Variants in PPP2R2B observed in about 807,000 individuals in gnomAD.
The protein encoded by PPP2R2B is protein phosphatase 2 regulatory subunit Bbeta, also known as serine/threonine-protein phosphatase 2A 55 kDa regulatory subunit B beta isoform.
Under a neutral mutation model 46.0 loss-of-function variants are expected in PPP2R2B, and 5 were observed. The ratio of observed to expected loss-of-function variants is 0.11; its 90% confidence interval spans 0.06 to 0.23. The LOEUF is 0.23. PPP2R2B is among the 10% of genes least tolerant of loss of function. The pLI, the probability that PPP2R2B is intolerant of heterozygous loss-of-function variation, is 1.00. For missense variants in PPP2R2B, 367 were observed against 575.0 expected (o/e 0.64, Z 3.70); for synonymous variants, 215 against 206.7 (o/e 1.04, Z -0.34).
chr5:146,878,547 C>A lies in PPP2R2B; in HGVS notation c.-125+44G>T. 7.9e-7 allele frequency: 1 copy of A among 1,259,406 alleles called. No individual in the cohort carries two copies. The highest frequency in any genetic ancestry group is 1.0e-6 in the Non-Finnish European group (1 of 983,826). 78.0% of individuals were successfully genotyped at this position (1,259,406 alleles called of 1,614,324 possible). A position where few individuals can be genotyped will look rare whatever the true frequency, so the allele number is the denominator to read the frequency against. On this transcript the variant is annotated intron_variant, in intron 1 of 9. Coordinates refer to ENST00000394411, the MANE Select transcript of PPP2R2B (RefSeq NM_181675.4). This position sits in a 1 kb window ranked among gnomAD's most constrained non-coding sequence, Gnocchi z 4.5. The stretch of plus-strand genomic sequence containing the variant: ...GCGACAAAATGGTGCCTTTCTGGAC[C>A]CGAGCTGCAGTGGCGAGATGGCAGG...
At chr5:147,054,367 TCATCC>T (rs1426185318) in intron 1 of PPP2R2B, among the ~76,000 whole-genome samples, 1 of 152,098 alleles carries the variant, frequency 6.6e-6, no homozygotes, top group Non-Finnish European at 1.5e-5. Flanking sequence ...TTCATTCCTC[TCATCC>T]CCTCAATATG....
intron 6 of PPP2R2B, among the ~76,000 whole-genome samples, chr5:146,642,933 T>C (rs1307404654): frequency 2.0e-5 from 3 of 152,178 alleles, no homozygotes; most frequent in Non-Finnish European, 4.4e-5. Context: ...GGCATGCACC[T>C]GTAGTTCCAG....
intron 1 of PPP2R2B, among the ~76,000 whole-genome samples, chr5:146,915,479 CAT>C (rs34748772): frequency 0.15 from 22,149 of 151,720 alleles, 2,040 homozygotes; most frequent in East Asian, 0.35. Context: ...CACACGTACA[CAT>C]GTGTGCAATT....
At chr5:146,778,122 G>C (rs1416866173) in intron 2 of PPP2R2B, among the ~76,000 whole-genome samples, 1 of 152,148 alleles carries the variant, frequency 6.6e-6, no homozygotes, top group Non-Finnish European at 1.5e-5. Flanking sequence ...AGAGGCAATG[G>C]AAAATGGCAA....
chr5:146,862,168 C>T (rs968504023), intron 2 of PPP2R2B, among the ~76,000 whole-genome samples: 16 of 152,272 alleles, frequency 1.1e-4, no homozygotes, highest in Admixed American at 1.0e-3. Context: ...GGTAGGAGGA[C>T]CTGGCTTTAC....
At chr5:146,966,633 A>G (rs553681719) in intron 1 of PPP2R2B, among the ~76,000 whole-genome samples, 4 of 152,132 alleles carry the variant, frequency 2.6e-5, no homozygotes, top group Non-Finnish European at 4.4e-5. Context: ...GCCCCTAACT[A>G]GAACGGAAGG....
At chr5:146,797,955 C>G (rs960673988) in intron 2 of PPP2R2B, among the ~76,000 whole-genome samples, 1 of 152,168 alleles carries the variant, frequency 6.6e-6, no homozygotes, top group African/African-American at 2.4e-5. Context: ...AAAACTGGAG[C>G]TTGTCTCAGG....
intron 1 of PPP2R2B, among the ~76,000 whole-genome samples, chr5:146,952,770 C>T (rs1208702527): frequency 6.6e-6 from 1 of 152,050 alleles, no homozygotes; most frequent in Non-Finnish European, 1.5e-5. Context: ...TAGATTATAG[C>T]TAAGGTCAGT....
At chr5:146,965,481 T>G (rs941852453) in intron 1 of PPP2R2B, among the ~76,000 whole-genome samples, 1 of 152,102 alleles carries the variant, frequency 6.6e-6, no homozygotes, top group East Asian at 1.9e-4. Flanking sequence ...CTGTGACTTG[T>G]TTTTTTAATC....
chr5:146,792,623 A>C (rs367725708), intron 2 of PPP2R2B, among the ~76,000 whole-genome samples: 2 of 152,214 alleles, frequency 1.3e-5, no homozygotes, highest in Admixed American at 6.5e-5. Flanking sequence ...TTCAATTTCA[A>C]ATAGGTACTC....
chr5:146,788,839 G>A (rs1756011617), intron 2 of PPP2R2B, among the ~76,000 whole-genome samples: 1 of 152,138 alleles, frequency 6.6e-6, no homozygotes, highest in Non-Finnish European at 1.5e-5. Context: ...CTGCCTTGGG[G>A]TTTTGACTCA....
At chr5:146,883,122 T>C (rs1396281403), upstream of PPP2R2B, among the ~76,000 whole-genome samples, 1 of 152,230 alleles carries the variant, frequency 6.6e-6, no homozygotes, top group African/African-American at 2.4e-5. Context: ...AGGCTTTAGG[T>C]GTCAGACAGT....
intron 7 of PPP2R2B, among the ~76,000 whole-genome samples, chr5:146,604,917 T>C (rs1231402436): frequency 6.6e-6 from 1 of 152,184 alleles, no homozygotes; most frequent in African/African-American, 2.4e-5. Flanking sequence ...ACATTCTAGA[T>C]ATACCTTGTA....
rs1414592568 is a variant in PPP2R2B, at chr5:146,588,582, A to AGTT, written c.*1362_*1364dup. ...TGGACTCCACCCATCTACTTTCCTA[A>AGTT]GTTTATAAATCCTTTGCATGCATTT... On this transcript the variant is annotated 3_prime_UTR_variant, in exon 10 of 10. Transcript: ENST00000394411. 1 of 152,168 alleles carries AGTT rather than the reference A, an allele frequency of 6.6e-6. No individual in the cohort carries two copies. The highest frequency in any genetic ancestry group is 1.5e-5 in the Non-Finnish European group (1 of 68,046). The allele number at this position is 152,168 out of a possible 1,614,324, so 9.4% of individuals were successfully genotyped here.
At chr5:146,834,462 A>G (rs192525736) in intron 2 of PPP2R2B, among the ~76,000 whole-genome samples, 6 of 152,344 alleles carry the variant, frequency 3.9e-5, no homozygotes, top group Admixed American at 2.0e-4. Context: ...GTTTTGGTTT[A>G]GCTATAAATA....
intron 1 of PPP2R2B, among the ~76,000 whole-genome samples, chr5:147,011,584 G>A (rs1027688548): frequency 2.0e-5 from 3 of 151,408 alleles, no homozygotes; most frequent in East Asian, 1.9e-4. Flanking sequence ...TCTCCTGCCT[G>A]ATTGCCCTGG....
At chr5:146,823,528 G>A (rs1230089757) in intron 2 of PPP2R2B, among the ~76,000 whole-genome samples, 4 of 151,968 alleles carry the variant, frequency 2.6e-5, no homozygotes, top group Admixed American at 6.6e-5. Context: ...ACCACATAAC[G>A]AGCAGAACGT....
intron 2 of PPP2R2B, among the ~76,000 whole-genome samples, chr5:146,787,510 T>G (rs2151290277): frequency 6.6e-6 from 1 of 152,124 alleles, no homozygotes; most frequent in Non-Finnish European, 1.5e-5. Flanking sequence ...CTCTTTTCTC[T>G]TCTCTCCTCT....
chr5:146,633,734 T>G (rs1014106494), intron 7 of PPP2R2B, among the ~76,000 whole-genome samples: 1 of 152,204 alleles, frequency 6.6e-6, no homozygotes. Context: ...TCTCTGGGGC[T>G]GTGTGGGGCT....
Sources: gnomAD v4.1 joint callset for allele counts (sites outside exome capture counted in the v4.1 genomes callset) on GRCh38, gnomAD v4.1.1 for gene constraint, Gnocchi (gnomAD v3.1) non-coding constraint, MANE v1.5 for transcripts, NCBI Gene and HGNC (gene_info 2026-07-23, HGNC 2026-07-21) for gene names.